Variants in CALN1 observed in about 807,000 individuals in gnomAD.
CALN1 encodes the protein calneuron 1.
A neutral mutation model predicts 30.6 loss-of-function variants in CALN1; 17 were observed. The observed-to-expected ratio is 0.56, with a 90% CI of 0.38 to 0.83. CALN1 has a LOEUF of 0.83. CALN1 is among the 40% of genes least tolerant of loss of function. CALN1 has a pLI of 0.00. For missense variants in CALN1, 291 were observed against 354.9 expected (o/e 0.82, Z 1.45); for synonymous variants, 156 against 131.4 (o/e 1.19, Z -1.28).
intron 2 of CALN1, among the ~76,000 whole-genome samples, chr7:72,343,701 A>G (rs1174304674): frequency 6.6e-6 from 1 of 152,242 alleles, no homozygotes; most frequent in East Asian, 1.9e-4. Context: ...TAATTGAAGA[A>G]GAAGCTATTC....
chr7:71,789,051 C>CCTCT (rs1484106055), intron 6 of CALN1, among the ~76,000 whole-genome samples: 6 of 152,274 alleles, frequency 3.9e-5, no homozygotes, highest in African/African-American at 1.2e-4. Flanking sequence ...CACCCTCCTG[C>CCTCT]CTCTGCCTCC....
At chr7:72,109,846 C>A (rs549038136) in intron 3 of CALN1, among the ~76,000 whole-genome samples, 2 of 152,118 alleles carry the variant, frequency 1.3e-5, no homozygotes, top group South Asian at 2.1e-4. Flanking sequence ...GCTGGTGCAG[C>A]CTTCCCCCTC....
chr7:72,332,542 A>AC (rs1325422482), intron 2 of CALN1, among the ~76,000 whole-genome samples: 2 of 151,752 alleles, frequency 1.3e-5, no homozygotes, highest in Non-Finnish European at 2.9e-5. Flanking sequence ...CCCACCTCCT[A>AC]CCTCAATAAT....
At chr7:72,201,741 A>T (rs1791442006) in intron 3 of CALN1, among the ~76,000 whole-genome samples, 1 of 150,270 alleles carries the variant, frequency 6.7e-6, no homozygotes, top group South Asian at 2.1e-4. Flanking sequence ...TCTGATTAAA[A>T]AAAAAAAAAA....
At chr7:72,032,592 A>G (rs1393526168) in intron 4 of CALN1, among the ~76,000 whole-genome samples, 3 of 152,268 alleles carry the variant, frequency 2.0e-5, no homozygotes, top group African/African-American at 7.2e-5. Context: ...AGCTCTTTTC[A>G]AAGTTTGAGA....
the CALN1 span, among the ~76,000 whole-genome samples, chr7:72,458,299 ATATTATATAATATATTT>A: frequency 2.9e-5 from 1 of 34,658 alleles, no homozygotes; most frequent in Non-Finnish European, 4.6e-5. Flanking sequence ...AATATATTCT[ATATTATATAATATATTT>A]TATAATATAT....
At chr7:72,270,639 G>A (rs1470163513) in intron 3 of CALN1, among the ~76,000 whole-genome samples, 1 of 151,726 alleles carries the variant, frequency 6.6e-6, no homozygotes, top group African/African-American at 2.4e-5. Context: ...AGCAGGTGTG[G>A]TGACACACAC....
At chr7:72,288,464 G>T (rs1161879730) in intron 2 of CALN1, among the ~76,000 whole-genome samples, 2 of 152,012 alleles carry the variant, frequency 1.3e-5, no homozygotes, top group Non-Finnish European at 2.9e-5. Context: ...CTGTGTCACT[G>T]AATACAGCCA....
the CALN1 span, among the ~76,000 whole-genome samples, chr7:72,491,137 G>A: frequency 2.6e-5 from 4 of 151,982 alleles, no homozygotes; most frequent in Non-Finnish European, 5.9e-5. Context: ...CCAGCTACTC[G>A]GGAGGCTGAG....
At chr7:71,930,420 GTCTT>G (rs143027772) in intron 5 of CALN1, among the ~76,000 whole-genome samples, 3,551 of 152,156 alleles carry the variant, frequency 0.023, 139 homozygotes, top group African/African-American at 0.078. Context: ...TCTGTATGTT[GTCTT>G]TCTATCATTG....
intron 3 of CALN1, among the ~76,000 whole-genome samples, chr7:72,164,171 C>G (rs902447555): frequency 2.0e-5 from 3 of 151,946 alleles, no homozygotes; most frequent in African/African-American, 7.2e-5. Flanking sequence ...AGTTCAAGAC[C>G]AGCTTGGCCA....
intron 4 of CALN1, among the ~76,000 whole-genome samples, chr7:72,066,419 A>T (rs1804024963): frequency 6.6e-6 from 1 of 152,134 alleles, no homozygotes. Context: ...CAAATTCGTC[A>T]ATGTAAACTT....
At chr7:72,445,096 ACACACACAC>A (rs1289218579) in intron 1 of CALN1, among the ~76,000 whole-genome samples, 2 of 137,158 alleles carry the variant, frequency 1.5e-5, no homozygotes, top group African/African-American at 5.3e-5. Context: ...ACACACACAC[ACACACACAC>A]AACATTAAGT....
rs1359550948 is a variant in CALN1, at chr7:71,785,344, C to T, written c.*2431G>A. 6.5e-6 allele frequency: 1 copy of T among 153,094 alleles called. No individual in the cohort carries two copies. The highest frequency in any genetic ancestry group is 2.4e-5 in the African/African-American group (1 of 41,468). 9.5% of individuals were successfully genotyped at this position (153,094 alleles called of 1,614,324 possible). A position where few individuals can be genotyped will look rare whatever the true frequency, so the allele number is the denominator to read the frequency against. On this transcript the variant is annotated 3_prime_UTR_variant, in exon 7 of 7. Transcript: ENST00000395275. ...GCGGCGCCTCTCCAGAACTCCTTTT[C>T]CTCCCTACTCCTGCACAGTGGCTAA...
intron 5 of CALN1, among the ~76,000 whole-genome samples, chr7:71,981,021 G>A (rs534181509): frequency 4.6e-5 from 7 of 152,040 alleles, no homozygotes; most frequent in Non-Finnish European, 8.8e-5. Context: ...CCAGGACACC[G>A]CCACACTGCC....
At chr7:72,487,884 GAAAAGAAAAGAAAGAAAGAAAGAAA>G in the CALN1 span, among the ~76,000 whole-genome samples, 1 of 53,432 alleles carries the variant, frequency 1.9e-5, no homozygotes, top group Non-Finnish European at 3.3e-5. Flanking sequence ...AAGAAAGAAA[GAAAAGAAAAGAAAGAAAGAAAGAAA>G]GAAAGAAAGA....
At chr7:71,938,079 G>C (rs960270830) in intron 5 of CALN1, among the ~76,000 whole-genome samples, 2 of 152,140 alleles carry the variant, frequency 1.3e-5, no homozygotes, top group Non-Finnish European at 2.9e-5. Context: ...CCAAAGAATG[G>C]GCAAGTTCCC....
chr7:72,095,743 A>T (rs1806172460), intron 4 of CALN1, among the ~76,000 whole-genome samples: 2 of 152,144 alleles, frequency 1.3e-5, no homozygotes, highest in South Asian at 4.2e-4. Context: ...GGTAAAAGGA[A>T]AATTCTGGGC....
chr7:72,127,699 G>C (rs959122501), intron 3 of CALN1, among the ~76,000 whole-genome samples: 16 of 152,180 alleles, frequency 1.1e-4, no homozygotes, highest in Non-Finnish European at 4.4e-5. Context: ...AATCCAGAAG[G>C]TTTGTTTGAT....
Sources: allele counts gnomAD v4.1 joint callset (sites outside exome capture counted in the v4.1 genomes callset), GRCh38; gene constraint gnomAD v4.1.1; transcripts MANE v1.5; gene names NCBI Gene and HGNC (gene_info 2026-07-23, HGNC 2026-07-21).